ARID5B: variants seen among roughly 807,000 people sequenced by gnomAD.
The protein encoded by ARID5B is AT-rich interactive domain-containing protein 5B.
In ARID5B, 13 loss-of-function variants were observed where a neutral mutation model predicts 97.2. That is an observed-to-expected ratio of 0.13 (90% CI 0.09 to 0.21). The LOEUF (loss-of-function observed/expected upper bound fraction) is 0.21. ARID5B is among the 10% of genes least tolerant of loss of function. The pLI, the probability that ARID5B is intolerant of heterozygous loss-of-function variation, is 1.00. For synonymous variants in ARID5B, 556 were observed against 570.3 expected (o/e 0.97, Z 0.36); for missense variants, 1,210 against 1,465.3 (o/e 0.83, Z 2.84).
At chr10:62,028,900 T>C (rs1306120050) in intron 4 of ARID5B, among the ~76,000 whole-genome samples, 1 of 146,914 alleles carries the variant, frequency 6.8e-6, no homozygotes, top group Non-Finnish European at 1.5e-5. Context: ...GATGTTGCAG[T>C]GAGCTGAGAT....
At chr10:62,058,032 T>C (rs1479760053) in intron 6 of ARID5B, among the ~76,000 whole-genome samples, 3 of 152,204 alleles carry the variant, frequency 2.0e-5, no homozygotes, top group Non-Finnish European at 2.9e-5. Context: ...TGAAATAGTA[T>C]TTTCTCCAAA....
rs781136944 is a variant in ARID5B, at chr10:62,091,319, T to A, written c.1856T>A (p.Met619Lys). Reference sequence around the variant, plus strand: ...ACGGAGGATGACAAACTGCCCGCCATGGCAGATTACATTGCCAACTGCACC... The same window carrying A: ...ACGGAGGATGACAAACTGCCCGCCAAGGCAGATTACATTGCCAACTGCACC... ...NETEDDKLPA[M>K]ADYIANCTVK... The change falls in exon 10 of 10, where the codon ATG becomes AAG. Residue 619 changes from methionine to lysine, a missense_variant. Met to Lys is a moderately conservative substitution (Grantham distance 95). Transcript: ENST00000279873. 19 of 1,614,196 alleles carry A rather than the reference T, an allele frequency of 1.2e-5. No homozygotes were observed. The highest frequency in any genetic ancestry group is 1.5e-5 in the Non-Finnish European group (18 of 1,180,022).
chr10:61,918,381 C>T (rs911359237), intron 2 of ARID5B, among the ~76,000 whole-genome samples: 2 of 152,118 alleles, frequency 1.3e-5, no homozygotes, highest in African/African-American at 4.8e-5. Context: ...AAGTGAGATG[C>T]TTATGGGCAT....
chr10:62,036,555 C>G (rs570259791), intron 4 of ARID5B, among the ~76,000 whole-genome samples: 103 of 152,346 alleles, frequency 6.8e-4, no homozygotes, highest in Non-Finnish European at 4.6e-4. Context: ...TTCATGCACT[C>G]CAAGTGAGCT....
intron 3 of ARID5B, among the ~76,000 whole-genome samples, chr10:61,969,833 T>A (rs1838600984): frequency 6.6e-6 from 1 of 152,196 alleles, no homozygotes; most frequent in African/African-American, 2.4e-5. Flanking sequence ...TCTTTTGGAT[T>A]TGTTTTTTGC....
chr10:61,913,572 C>A (rs1427627575), intron 2 of ARID5B, among the ~76,000 whole-genome samples: 1 of 152,140 alleles, frequency 6.6e-6, no homozygotes, highest in African/African-American at 2.4e-5. Flanking sequence ...GGGGAAGGGG[C>A]TGCTCTCTTG....
chr10:61,902,704 T>C (rs1295705892), intron 2 of ARID5B, among the ~76,000 whole-genome samples: 1 of 121,142 alleles, frequency 8.3e-6, no homozygotes, highest in African/African-American at 3.0e-5. Flanking sequence ...TGTGTGTGTA[T>C]GTGTGTGTGT....
intron 7 of ARID5B, among the ~76,000 whole-genome samples, chr10:62,067,312 A>G (rs1212695705): frequency 6.6e-6 from 1 of 152,048 alleles, no homozygotes; most frequent in Non-Finnish European, 1.5e-5. Flanking sequence ...TGAACTCCCA[A>G]CCTCAGGTGA....
chr10:61,902,293 T>C lies in ARID5B; in HGVS notation c.156T>C (p.Ile52=). The C allele has an allele frequency of 6.2e-7, 1 of 1,614,178 alleles. No homozygotes were observed. Among genetic ancestry groups the C allele is most frequent in the South Asian group, 1.1e-5 (1 of 91,084 alleles). ...FFVRCTPKDP[I]CIAELQLLWE... The stretch of plus-strand genomic sequence containing the variant: ...TAAGATGTACGCCAAAGGATCCGAT[T>C]TGCATAGCGGAGCTCCAGCTGTTGT... Residue 52 remains isoleucine (I), a synonymous_variant, in exon 2 of 10, where the codon ATT becomes ATC. Coordinates refer to ENST00000279873, the MANE Select transcript of ARID5B (RefSeq NM_032199.3).
intron 7 of ARID5B, among the ~76,000 whole-genome samples, chr10:62,066,079 T>G (rs1839984750): frequency 6.6e-6 from 1 of 152,082 alleles, no homozygotes; most frequent in Non-Finnish European, 1.5e-5. Context: ...ATTTTAAAGC[T>G]TACCCACATC....
At chr10:62,086,308 G>T (rs1840279416) in intron 9 of ARID5B, among the ~76,000 whole-genome samples, 1 of 152,126 alleles carries the variant, frequency 6.6e-6, no homozygotes. Context: ...CATATTTTGG[G>T]GCTGGACATG....
rs948896953 is a variant in ARID5B at position 62,091,932 on chromosome 10, C to T, written c.2469C>T (p.His823=). 2.5e-6 allele frequency: 4 copies of T among 1,613,594 alleles called. No homozygotes were observed. Among genetic ancestry groups the T allele is most frequent in the African/African-American group, 2.7e-5 (2 of 74,914 alleles). Residue 823 remains histidine, a synonymous_variant, in exon 10 of 10, where the codon CAC becomes CAT. Transcript: ENST00000279873. ...AGAAAAGGGCCCTCCCCCATTCCCA[C>T]ATGCCTAGCTTCCTGGCTGACTTCT... ...LLEKRALPHS[H]MPSFLADFYS...
intron 2 of ARID5B, among the ~76,000 whole-genome samples, chr10:61,905,568 T>G (rs990466085): frequency 6.6e-6 from 1 of 152,160 alleles, no homozygotes; most frequent in Non-Finnish European, 1.5e-5. Flanking sequence ...TTATGTGGTT[T>G]GTCAAAGGTC....
intron 8 of ARID5B, 82 bp from the exon 9 acceptor site, chr10:62,085,620 G>C (rs1211171237): frequency 4.3e-6 from 5 of 1,170,496 alleles, no homozygotes; most frequent in Non-Finnish European, 6.1e-6. Flanking sequence ...TGCTTATATT[G>C]AGAAAAGAAA....
rs1444644383 is a variant in ARID5B, at chr10:62,092,545, G to T, written c.3082G>T (p.Ala1028Ser). 4 of 1,614,180 alleles carry T rather than the reference G, an allele frequency of 2.5e-6. No individual in the cohort carries two copies. The highest frequency in any genetic ancestry group is 1.1e-5 in the South Asian group (1 of 91,088). Reference sequence around the variant, plus strand: ...GGACCTTGTGATTGCAGGGAAAAAGGCCCGGGCAGTGTCTCCCTTAGACCC... The same window carrying T: ...GGACCTTGTGATTGCAGGGAAAAAGTCCCGGGCAGTGTCTCCCTTAGACCC... ...DLDLVIAGKK[A>S]RAVSPLDPSK... is the part of the protein sequence containing the mutation. Residue 1028 changes from alanine (A) to serine (S), a missense_variant, in exon 10 of 10, where the codon GCC becomes TCC. Physicochemically the swap from Ala to Ser is moderately conservative, Grantham distance 99. Around this residue, in one of 8 missense-constraint regions of ARID5B, gnomAD observed 800 missense variants for 839.1 expected, o/e 0.95. Transcript: ENST00000279873.
At chr10:61,921,488 A>G (rs933029776) in intron 2 of ARID5B, among the ~76,000 whole-genome samples, 1 of 152,196 alleles carries the variant, frequency 6.6e-6, no homozygotes, top group Non-Finnish European at 1.5e-5. Flanking sequence ...TTGCTGGGCC[A>G]CATGGGCCTC....
At chr10:62,030,544 A>G (rs111614923) in intron 4 of ARID5B, among the ~76,000 whole-genome samples, 3,329 of 152,352 alleles carry the variant, frequency 0.022, 101 homozygotes, top group African/African-American at 0.075. Context: ...GGCTGCTTAC[A>G]TGGATGAGTG....
At chr10:62,080,584 A>C (rs928185739) in intron 8 of ARID5B, among the ~76,000 whole-genome samples, 1 of 152,190 alleles carries the variant, frequency 6.6e-6, no homozygotes. Context: ...TATACCTTCT[A>C]TTGGCTCCAT....
rs148235347 is a variant in ARID5B at position 62,057,140 on chromosome 10, C to T, written c.870C>T (p.Ala290=). 37 of 1,613,474 alleles carry T rather than the reference C, an allele frequency of 2.3e-5. No homozygotes were observed. The African/African-American group carries it at 4.4e-4, about 19-fold the overall frequency. Residue 290 remains alanine (A), a synonymous_variant, in exon 6 of 10, where the codon GCC becomes GCT. Coordinates refer to ENST00000279873, the MANE Select transcript of ARID5B (RefSeq NM_032199.3). ...AGGTGAAATGTGAGGCCAGGTCAGC[C>T]TTGACCAAGCCGAAGAATAACCATA... ...VAKVKCEARS[A]LTKPKNNHNC...
Sources: gnomAD v4.1 joint callset for allele counts (sites outside exome capture counted in the v4.1 genomes callset) on GRCh38, gnomAD v4.1.1 for gene constraint, gnomAD v4.1.1 regional missense constraint, MANE v1.5 for transcripts, NCBI Gene and HGNC (gene_info 2026-07-23, HGNC 2026-07-21) for gene names.